Variants in AXIN1 observed in about 807,000 individuals in gnomAD.
AXIN1 encodes the protein axin-1.
Under a neutral mutation model 76.4 loss-of-function variants are expected in AXIN1, and 30 were observed. The observed-to-expected ratio is 0.39, with a 90% CI of 0.29 to 0.53. The LOEUF is 0.53. Ranked by LOEUF, AXIN1 falls within the 20% of genes least tolerant of loss-of-function variation. The pLI, the probability that AXIN1 is intolerant of heterozygous loss-of-function variation, is 0.66. For synonymous variants in AXIN1, 545 were observed against 501.4 expected (o/e 1.09, Z -1.16); for missense variants, 1,140 against 1,198.8 (o/e 0.95, Z 0.72).
intron 9 of AXIN1, chr16:290,700 A>G (rs1357415133): frequency 3.6e-6 from 1 of 278,494 alleles, no homozygotes; most frequent in Non-Finnish European, 7.2e-6. Context: ...CAGAGCAGTC[A>G]GCATTGTAGG....
At chr16:319,826 T>G (rs2053399143) in intron 2 of AXIN1, among the ~76,000 whole-genome samples, 1 of 152,222 alleles carries the variant, frequency 6.6e-6, no homozygotes, top group Non-Finnish European at 1.5e-5. Flanking sequence ...CAATTTTTCC[T>G]TTTAATGAGG....
At chr16:294,660 C>A (rs2141491367) in intron 7 of AXIN1, among the ~76,000 whole-genome samples, 1 of 143,336 alleles carries the variant, frequency 7.0e-6, no homozygotes, top group South Asian at 2.2e-4. Context: ...GTGGGTTAGA[C>A]AGGAGAACCA....
At position 293,141 on chromosome 16, in the gene AXIN1, T is replaced by G; in HGVS notation, c.2186+347A>C. On this transcript the variant is annotated intron_variant, in intron 8 of 10. Coordinates refer to ENST00000262320, the MANE Select transcript of AXIN1 (RefSeq NM_003502.4). This position sits in a 1 kb window ranked among gnomAD's most constrained non-coding sequence, Gnocchi z 4.6. ...AGGACCTCTGCCCTAAAGCCCAGGC[T>G]GCCCAGCAGCGAGCAGCCTCTGGCT... 1 of 388,912 alleles carries G rather than the reference T, an allele frequency of 2.6e-6. No individual in the cohort carries two copies. The highest frequency in any genetic ancestry group is 3.6e-5 in the South Asian group (1 of 27,738). 24.1% of individuals were successfully genotyped at this position (388,912 alleles called of 1,614,324 possible).
chr16:312,758 A>G (rs1186236807), intron 3 of AXIN1, among the ~76,000 whole-genome samples: 1 of 152,256 alleles, frequency 6.6e-6, no homozygotes. Context: ...TACCACAGCT[A>G]CCTGGGGAAA....
chr16:294,318 C>T (rs1000923016), intron 7 of AXIN1, among the ~76,000 whole-genome samples: 2 of 149,354 alleles, frequency 1.3e-5, no homozygotes, highest in African/African-American at 5.0e-5. Context: ...AAAAAATTAC[C>T]CAAGTGTGGT....
At chr16:300,757 T>C (rs1460051960) in intron 5 of AXIN1, among the ~76,000 whole-genome samples, 1 of 152,170 alleles carries the variant, frequency 6.6e-6, no homozygotes, top group Non-Finnish European at 1.5e-5. Context: ...CTTGGTTTTG[T>C]AGGACTAAAG....
chr16:332,360 G>A (rs1439495238), intron 2 of AXIN1, among the ~76,000 whole-genome samples: 4 of 152,010 alleles, frequency 2.6e-5, no homozygotes, highest in Non-Finnish European at 5.9e-5. Flanking sequence ...GGCGGATCAC[G>A]AGATCAGGAG....
chr16:328,063 A>T (rs2053618512), intron 2 of AXIN1, among the ~76,000 whole-genome samples: 1 of 152,140 alleles, frequency 6.6e-6, no homozygotes, highest in Admixed American at 6.5e-5. Context: ...CTGAGTGAAA[A>T]GGCCAGACCT....
At chr16:331,539 A>G (rs1047503462) in intron 2 of AXIN1, among the ~76,000 whole-genome samples, 2 of 152,184 alleles carry the variant, frequency 1.3e-5, no homozygotes, top group Admixed American at 1.3e-4. Flanking sequence ...TTTTAAAAGG[A>G]GTTTCACTTT....
intron 3 of AXIN1, among the ~76,000 whole-genome samples, chr16:314,159 C>T (rs552428955): frequency 6.6e-6 from 1 of 152,342 alleles, no homozygotes; most frequent in East Asian, 1.9e-4. Flanking sequence ...TAGGTTCACC[C>T]TCGATCCTTC....
intron 2 of AXIN1, among the ~76,000 whole-genome samples, chr16:333,538 T>C (rs1382274113): frequency 2.0e-5 from 3 of 151,586 alleles, no homozygotes; most frequent in Non-Finnish European, 4.4e-5. Context: ...CAAAACACAG[T>C]ATTATGAAAT....
At chr16:301,140 G>A (rs2052860195) in intron 5 of AXIN1, among the ~76,000 whole-genome samples, 1 of 152,088 alleles carries the variant, frequency 6.6e-6, no homozygotes, top group Admixed American at 6.5e-5. Context: ...GCGTGATGGT[G>A]GGCGCCTGTA....
chr16:351,123 ACT>A (rs2054133784), intron 1 of AXIN1, among the ~76,000 whole-genome samples: 2 of 122,200 alleles, frequency 1.6e-5, no homozygotes, highest in African/African-American at 3.1e-5. Flanking sequence ...CAAGAGCAAA[ACT>A]CTGTCTCAAA....
chr16:325,077 G>A lies in AXIN1; in HGVS notation c.879-10394C>T, dbSNP rs188159183. ...AGATCACAGCCTCAGCCCCGCGGGC[G>A]CGCCCCAGGAAACCATGGCCTCAGC... On this transcript the variant is annotated intron_variant, in intron 2 of 10. Coordinates refer to ENST00000262320, the MANE Select transcript of AXIN1 (RefSeq NM_003502.4). Among the ~76,000 whole-genome samples, 275 of 151,958 alleles carry A rather than the reference G, an allele frequency of 1.8e-3. 1 individual carries two copies. The highest frequency in any genetic ancestry group is 2.7e-3 in the Non-Finnish European group (182 of 67,932).
At chr16:306,475 G>A (rs1027199170) in intron 4 of AXIN1, among the ~76,000 whole-genome samples, 7 of 152,200 alleles carry the variant, frequency 4.6e-5, no homozygotes, top group Admixed American at 2.0e-4. Context: ...GGGACCCTCC[G>A]TGTGTGTGGC....
intron 2 of AXIN1, among the ~76,000 whole-genome samples, chr16:324,684 T>C (rs1404624153): frequency 1.3e-5 from 2 of 152,212 alleles, no homozygotes; most frequent in African/African-American, 4.8e-5. Flanking sequence ...TCGTACTTTA[T>C]ACCAGGAGGA....
chr16:339,492 T>C (rs1405581489), intron 2 of AXIN1, among the ~76,000 whole-genome samples: 39 of 128,232 alleles, frequency 3.0e-4, no homozygotes, highest in African/African-American at 9.3e-4. Flanking sequence ...GCCTTGGCGA[T>C]AGAGCGAGAC....
chr16:341,510 C>A lies in AXIN1; in HGVS notation c.878+4638G>T, dbSNP rs143960074. ...TTAACTGCCTTCCTGCAGGGCAGGG[C>A]TCGGGAGCTGCAGCCCGCCATGCCT... On this transcript the variant is annotated intron_variant, in intron 2 of 10. Coordinates refer to ENST00000262320, the MANE Select transcript of AXIN1 (RefSeq NM_003502.4). Among the ~76,000 whole-genome samples, 6 of 152,390 alleles carry A rather than the reference C, an allele frequency of 3.9e-5. No homozygotes were observed. In the East Asian group the frequency reaches 9.6e-4, roughly 24 times the overall value.
At chr16:321,872 C>T (rs2053467236) in intron 2 of AXIN1, among the ~76,000 whole-genome samples, 2 of 152,202 alleles carry the variant, frequency 1.3e-5, no homozygotes, top group African/African-American at 4.8e-5. Context: ...CGTTGACGGG[C>T]ACCCTGAATG....
Sources: gnomAD v4.1 joint callset for allele counts (sites outside exome capture counted in the v4.1 genomes callset) on GRCh38, gnomAD v4.1.1 for gene constraint, Gnocchi (gnomAD v3.1) non-coding constraint, MANE v1.5 for transcripts, NCBI Gene and HGNC (gene_info 2026-07-23, HGNC 2026-07-21) for gene names.